The following USP32 variants were observed in gnomAD, a reference collection of about 807,000 sequenced individuals.
USP32 encodes ubiquitin carboxyl-terminal hydrolase 32.
A neutral mutation model predicts 204.8 loss-of-function variants in USP32; 59 were observed. The observed-to-expected ratio is 0.29, with a 90% CI of 0.23 to 0.36. USP32 has a LOEUF of 0.36. USP32 is among the 10% of genes least tolerant of loss of function. USP32 has a pLI of 1.00. For missense variants in USP32, 1,160 were observed against 1,946.4 expected, an observed-to-expected ratio of 0.60 and a Z score of 7.60; for synonymous variants, 517 against 678.4, an observed-to-expected ratio of 0.76 and a Z score of 3.70.
intron 8 of USP32, 26 bp downstream of exon 8, chr17:60,265,950 A>G: frequency 1.3e-6 from 2 of 1,557,312 alleles, no homozygotes; most frequent in Non-Finnish European, 8.8e-7. Flanking sequence ...TTTATACGCA[A>G]CAAGACATAC....
chr17:60,392,615 G>A (rs1191320080), upstream of USP32: 1 of 450,708 alleles, frequency 2.2e-6, no homozygotes, highest in Non-Finnish European at 4.5e-6. Context: ...TGAGGGATGC[G>A]GCATATGGCT....
At chr17:60,394,838 G>T (rs1364309238), upstream of USP32, among the ~76,000 whole-genome samples, 1 of 152,110 alleles carries the variant, frequency 6.6e-6, no homozygotes, top group African/African-American at 2.4e-5. Flanking sequence ...CTGCCTCCCA[G>T]GTTCCAGTGA....
chr17:60,214,353 C>T (rs2085049042), intron 17 of USP32, among the ~76,000 whole-genome samples: 1 of 151,926 alleles, frequency 6.6e-6, no homozygotes, highest in Non-Finnish European at 1.5e-5. Context: ...TATTATGGAT[C>T]TCAGAGACAA....
chr17:60,200,208 A>G (rs2084640575), intron 26 of USP32, among the ~76,000 whole-genome samples: 1 of 151,872 alleles, frequency 6.6e-6, no homozygotes, highest in African/African-American at 2.4e-5. Flanking sequence ...CAAAAAAAAA[A>G]GAAAGAAATT....
intron 12 of USP32, among the ~76,000 whole-genome samples, chr17:60,234,392 T>C (rs1417480548): frequency 5.4e-5 from 8 of 148,726 alleles, no homozygotes; most frequent in South Asian, 2.2e-4. Context: ...GGATTACAGG[T>C]GTGAGCCACC....
At chr17:60,270,955 G>T (rs1452769770) in intron 6 of USP32, among the ~76,000 whole-genome samples, 1 of 151,824 alleles carries the variant, frequency 6.6e-6, no homozygotes, top group African/African-American at 2.4e-5. Context: ...TTATGTAAAA[G>T]AAAAAAAGTA....
rs186918039 is a variant in USP32 at position 60,319,321 on chromosome 17, A to G, written c.187-17617T>C. On this transcript the variant is annotated intron_variant, in intron 2 of 33. Transcript: ENST00000300896. ...AGGGACTCAGATTAAGAATATTCAG[A>G]TAATAAATACGAGTATAATAAACAC... Among the ~76,000 whole-genome samples the G allele has an allele frequency of 2.2e-3, 329 of 152,316 alleles. 4 individuals are homozygous for G. Among genetic ancestry groups the G allele is most frequent in the African/African-American group, 7.5e-3 (311 of 41,564 alleles).
At chr17:60,190,782 C>G in intron 28 of USP32, 99 bp from the exon 29 acceptor site, 1 of 1,490,702 alleles carries the variant, frequency 6.7e-7, no homozygotes, top group African/African-American at 1.5e-5. Flanking sequence ...TTCTGCTTTC[C>G]TCTTGGGCCT....
chr17:60,301,739 AT>A, intron 2 of USP32, 35 bp from the exon 3 acceptor site: 1 of 1,456,954 alleles, frequency 6.9e-7, no homozygotes, highest in East Asian at 2.4e-5. Context: ...CTTAGGAGGC[AT>A]TTCAGTTGTT....
At chr17:60,296,259 T>C (rs2087427237) in intron 3 of USP32, among the ~76,000 whole-genome samples, 1 of 152,228 alleles carries the variant, frequency 6.6e-6, no homozygotes, top group South Asian at 2.1e-4. Context: ...AGTCCTAACC[T>C]TGAAGTCCCT....
At chr17:60,250,185 T>C (rs1201907998) in intron 11 of USP32, among the ~76,000 whole-genome samples, 1 of 152,214 alleles carries the variant, frequency 6.6e-6, no homozygotes, top group Non-Finnish European at 1.5e-5. Flanking sequence ...CCTCAACTTC[T>C]ATAAATCTTG....
chr17:60,245,767 T>C (rs1353562879), intron 11 of USP32: 1 of 152,768 alleles, frequency 6.5e-6, no homozygotes, highest in Non-Finnish European at 1.5e-5. Context: ...TTGAAGAACT[T>C]CCTTCAGTAT....
At chr17:60,251,123 T>C (rs1402819960) in intron 11 of USP32, among the ~76,000 whole-genome samples, 1 of 151,892 alleles carries the variant, frequency 6.6e-6, no homozygotes, top group Non-Finnish European at 1.5e-5. Flanking sequence ...TTGTATTTTT[T>C]GTAAAGACAG....
intron 26 of USP32, among the ~76,000 whole-genome samples, chr17:60,199,273 C>T (rs1482566159): frequency 6.6e-6 from 1 of 151,974 alleles, no homozygotes; most frequent in African/African-American, 2.4e-5. Flanking sequence ...TTATAACAAG[C>T]TTATCCACCT....
chr17:60,319,784 AT>A (rs1424685236), intron 2 of USP32, among the ~76,000 whole-genome samples: 1 of 152,206 alleles, frequency 6.6e-6, no homozygotes, highest in Non-Finnish European at 1.5e-5. Flanking sequence ...CATCTCAAAA[AT>A]AAAAATAAAA....
chr17:60,294,325 T>C (rs1011139972), intron 4 of USP32, among the ~76,000 whole-genome samples: 1 of 152,054 alleles, frequency 6.6e-6, no homozygotes, highest in Non-Finnish European at 1.5e-5. Flanking sequence ...GAATGAATGA[T>C]ATCCGTGATG....
chr17:60,259,348 A>G (rs144802777), intron 9 of USP32, among the ~76,000 whole-genome samples: 166 of 152,284 alleles, frequency 1.1e-3, no homozygotes, highest in African/African-American at 3.8e-3. Flanking sequence ...TTTTGTTTGT[A>G]TTGTAAACAA....
chr17:60,392,916 G>A (rs1041118150), upstream of USP32, among the ~76,000 whole-genome samples: 6 of 152,072 alleles, frequency 3.9e-5, no homozygotes, highest in African/African-American at 1.4e-4. Flanking sequence ...TTCTCCCCGA[G>A]AAACATGAGG....
At chr17:60,263,545 TA>T (rs1418517394) in intron 9 of USP32, among the ~76,000 whole-genome samples, 3 of 152,222 alleles carry the variant, frequency 2.0e-5, no homozygotes, top group Admixed American at 2.0e-4. Flanking sequence ...TGATCTTGTT[TA>T]ATGTTCACAG....
Sources: allele counts gnomAD v4.1 joint callset (sites outside exome capture counted in the v4.1 genomes callset), GRCh38; gene constraint gnomAD v4.1.1; transcripts MANE v1.5; gene names NCBI Gene and HGNC (gene_info 2026-07-23, HGNC 2026-07-21).